Variants in PDE1A observed in about 807,000 individuals in gnomAD.
The protein encoded by PDE1A is phosphodiesterase 1A.
In PDE1A, 35 loss-of-function variants were observed where a neutral mutation model predicts 61.7. That is an observed-to-expected ratio of 0.57 (90% confidence interval 0.43 to 0.75). The LOEUF (loss-of-function observed/expected upper bound fraction) is 0.75. Ranked by LOEUF, PDE1A falls within the 30% of genes least tolerant of loss-of-function variation. The pLI, the probability that PDE1A is intolerant of heterozygous loss-of-function variation, is 0.00. For synonymous variants in PDE1A, 232 were observed against 213.2 expected (o/e 1.09, Z -0.77); for missense variants, 597 against 630.6 (o/e 0.95, Z 0.57).
the PDE1A span, among the ~76,000 whole-genome samples, chr2:182,610,619 G>C: frequency 2.6e-4 from 40 of 151,986 alleles, 1 homozygote; most frequent in Admixed American, 1.8e-3. Context: ...TAAAACAGTT[G>C]AAAATCTTTT....
the PDE1A span, among the ~76,000 whole-genome samples, chr2:182,544,249 C>T: frequency 6.6e-6 from 1 of 152,164 alleles, no homozygotes; most frequent in Non-Finnish European, 1.5e-5. Context: ...GAAATTAAAG[C>T]AGGGCAACTT....
At chr2:182,602,672 C>T in the PDE1A span, among the ~76,000 whole-genome samples, 20 of 152,022 alleles carry the variant, frequency 1.3e-4, no homozygotes, top group Admixed American at 1.2e-3. Flanking sequence ...GACAATCAGC[C>T]CATGATTGGT....
chr2:182,594,371 T>C, the PDE1A span, among the ~76,000 whole-genome samples: 5 of 152,220 alleles, frequency 3.3e-5, no homozygotes, highest in Non-Finnish European at 5.9e-5. Context: ...ATTTAAGCAA[T>C]TGTTGAAGAT....
At chr2:182,296,885 C>T (rs1694921398) in intron 1 of PDE1A, among the ~76,000 whole-genome samples, 1 of 152,136 alleles carries the variant, frequency 6.6e-6, no homozygotes, top group South Asian at 2.1e-4. Flanking sequence ...GGAACTCACC[C>T]CTTTTTTCTT....
chr2:182,644,741 T>C, the PDE1A span, among the ~76,000 whole-genome samples: 1 of 152,034 alleles, frequency 6.6e-6, no homozygotes, highest in Non-Finnish European at 1.5e-5. Flanking sequence ...GGAGGTAGCA[T>C]AAGAGGCAGA....
chr2:182,534,241 T>A, the PDE1A span, among the ~76,000 whole-genome samples: 1 of 152,082 alleles, frequency 6.6e-6, no homozygotes, highest in Admixed American at 6.5e-5. Context: ...TTTGGTTGTA[T>A]CATGATTTAG....
At chr2:182,663,468 TA>T in the PDE1A span, among the ~76,000 whole-genome samples, 1 of 152,172 alleles carries the variant, frequency 6.6e-6, no homozygotes, top group Admixed American at 6.5e-5. Context: ...GTGGTACATA[TA>T]TACTACAGAA....
chr2:182,603,804 C>CA, the PDE1A span, among the ~76,000 whole-genome samples: 24 of 151,948 alleles, frequency 1.6e-4, no homozygotes, highest in African/African-American at 5.6e-4. Context: ...GAAACATTAT[C>CA]AAAAAATGTA....
At chr2:182,449,095 C>G (rs1476913696) in intron 2 of PDE1A, among the ~76,000 whole-genome samples, 1 of 143,004 alleles carries the variant, frequency 7.0e-6, no homozygotes, top group African/African-American at 2.7e-5. Flanking sequence ...CAAACAAAAC[C>G]CAGGAAATCC....
intron 13 of PDE1A, among the ~76,000 whole-genome samples, chr2:182,169,912 A>ACACACACG (rs1553520047): frequency 6.0e-4 from 70 of 117,280 alleles, no homozygotes; most frequent in African/African-American, 2.1e-3. Context: ...ACACACACAC[A>ACACACACG]CACACACACG....
chr2:182,225,980 A>T (rs2125620454), intron 6 of PDE1A, among the ~76,000 whole-genome samples: 1 of 149,870 alleles, frequency 6.7e-6, no homozygotes, highest in Non-Finnish European at 1.5e-5. Context: ...CTGAATTGGG[A>T]TTGAGCCTCC....
exon 12 of PDE1A, chr2:182,186,479 A>G (rs1685215575): frequency 6.2e-7 from 1 of 1,612,268 alleles, no homozygotes; most frequent in Admixed American, 1.7e-5. Context: ...TGCTTGCCAC[A>G]TAGGAAGAAG....
At chr2:182,673,737 T>C in the PDE1A span, among the ~76,000 whole-genome samples, 1 of 151,858 alleles carries the variant, frequency 6.6e-6, no homozygotes, top group East Asian at 1.9e-4. Flanking sequence ...TGTTGCTTAT[T>C]CAACCCAAAT....
chr2:182,596,084 A>G, the PDE1A span, among the ~76,000 whole-genome samples: 1 of 152,230 alleles, frequency 6.6e-6, no homozygotes, highest in Non-Finnish European at 1.5e-5. Context: ...AGCAACAACA[A>G]CAACCAACCT....
rs553164321 is a variant in PDE1A, at chr2:182,385,144, C to A, written c.53+41434G>T. Among the ~76,000 whole-genome samples, 4 of 152,280 alleles carry A rather than the reference C, an allele frequency of 2.6e-5. No homozygotes were observed. In the South Asian group the frequency reaches 6.2e-4, roughly 24 times the overall value. On this transcript the variant is annotated intron_variant, in intron 1 of 13. Coordinates refer to ENST00000351439, the Ensembl canonical transcript of PDE1A. The stretch of plus-strand genomic sequence containing the variant: ...CAGAGGGAATCCATCTCCACCAGGC[C>A]TGTCTTACAAGAAACACTAAAGGGA...
intron 2 of PDE1A, among the ~76,000 whole-genome samples, chr2:182,246,421 T>TGACAAAG (rs1690974737): frequency 1.5e-5 from 2 of 130,676 alleles, no homozygotes; most frequent in African/African-American, 5.8e-5. Flanking sequence ...TTTTTTTTTT[T>TGACAAAG]TTGACAGAGT....
At chr2:182,424,833 G>C (rs567472874) in intron 1 of PDE1A, among the ~76,000 whole-genome samples, 1 of 152,246 alleles carries the variant, frequency 6.6e-6, no homozygotes, top group South Asian at 2.1e-4. Flanking sequence ...CTCACATACA[G>C]CTTTAATCTG....
intron 7 of PDE1A, among the ~76,000 whole-genome samples, chr2:182,221,776 T>A (rs1447506375): frequency 6.6e-6 from 1 of 152,024 alleles, no homozygotes; most frequent in Non-Finnish European, 1.5e-5. Context: ...ATATAAGAAC[T>A]GGATTGACAG....
the PDE1A span, among the ~76,000 whole-genome samples, chr2:182,690,940 GA>G: frequency 6.6e-6 from 1 of 152,140 alleles, no homozygotes; most frequent in Non-Finnish European, 1.5e-5. Flanking sequence ...TTGCTTCAAA[GA>G]GAATAAAATA....
Sources: gnomAD v4.1 joint callset for allele counts (sites outside exome capture counted in the v4.1 genomes callset) on GRCh38, gnomAD v4.1.1 for gene constraint, MANE v1.5 for transcripts, NCBI Gene and HGNC (gene_info 2026-07-23, HGNC 2026-07-21) for gene names.